Variants in MNAT1 observed in about 807,000 individuals in gnomAD.
The protein encoded by MNAT1 is CDK-activating kinase assembly factor MAT1.
MNAT1 carries 43 observed loss-of-function variants against 42.0 expected under a neutral mutation model. The observed-to-expected ratio is 1.02, with a 90% CI of 0.80 to 1.32. The LOEUF (loss-of-function observed/expected upper bound fraction) is 1.32. Among genes scored for constraint, MNAT1 ranks in the 40% most tolerant of loss-of-function variants. MNAT1 has a pLI of 0.00. For missense variants in MNAT1, 306 were observed against 350.4 expected (o/e 0.87, Z 1.01); for synonymous variants, 118 against 120.0 (o/e 0.98, Z 0.11).
chr14:60,968,650 T>C lies in MNAT1; in HGVS notation c.*301T>C, dbSNP rs1247690384. The stretch of plus-strand genomic sequence containing the variant: ...AGGTTGTGACAGACTTATAAAATCT[T>C]TTTAAAAAATAAAGCTATAATTTAT... On this transcript the variant is annotated 3_prime_UTR_variant, in exon 8 of 8. Coordinates refer to ENST00000261245, the MANE Select transcript of MNAT1 (RefSeq NM_002431.4). The C allele has an allele frequency of 1.6e-6, 1 of 624,464 alleles. No homozygotes were observed. 38.7% of individuals were successfully genotyped at this position (624,464 alleles called of 1,614,324 possible). A position where few individuals can be genotyped will look rare whatever the true frequency, so the allele number is the denominator to read the frequency against.
At chr14:60,907,782 CAA>C (rs71114166) in intron 7 of MNAT1, among the ~76,000 whole-genome samples, 1,299 of 77,506 alleles carry the variant, frequency 0.017, 13 homozygotes, top group African/African-American at 0.062. Flanking sequence ...AACTGTGTCT[CAA>C]AAAAAAAAAA....
Position 60,927,578 on chromosome 14 carries a change from T to G in MNAT1, c.810-40651T>G, listed in dbSNP as rs567506461. On this transcript the variant is annotated intron_variant, in intron 7 of 7. Coordinates refer to ENST00000261245, the MANE Select transcript of MNAT1 (RefSeq NM_002431.4). The stretch of plus-strand genomic sequence containing the variant: ...GTTTAATACTCTGTGGTTGTCATCT[T>G]GAATTCTTAATAATTTTATGTTTAG... Among the ~76,000 whole-genome samples, 3 of 152,338 alleles carry G rather than the reference T, an allele frequency of 2.0e-5. No homozygotes were observed. In the East Asian group the frequency reaches 5.8e-4, roughly 29 times the overall value.
At chr14:60,872,084 A>G (rs2034337156) in intron 6 of MNAT1, among the ~76,000 whole-genome samples, 1 of 152,144 alleles carries the variant, frequency 6.6e-6, no homozygotes, top group Admixed American at 6.5e-5. Context: ...TGGATAATTC[A>G]TTAAGGAAAG....
chr14:60,958,634 CTT>C (rs71114172), intron 7 of MNAT1, among the ~76,000 whole-genome samples: 2 of 93,880 alleles, frequency 2.1e-5, no homozygotes, highest in African/African-American at 4.3e-5. Context: ...GAGACAAGGT[CTT>C]TTTTTTTTTT....
chr14:60,756,822 T>A (rs569299376), intron 1 of MNAT1, among the ~76,000 whole-genome samples: 5 of 152,300 alleles, frequency 3.3e-5, no homozygotes, highest in African/African-American at 1.2e-4. Context: ...CTTTTTAAAA[T>A]GTATAAATGC....
intron 1 of MNAT1, among the ~76,000 whole-genome samples, chr14:60,769,931 C>T (rs527705290): frequency 2.0e-5 from 3 of 152,212 alleles, no homozygotes; most frequent in Admixed American, 1.3e-4. Context: ...TCCCAAAGCA[C>T]TGGGGTTATA....
chr14:60,843,493 A>G (rs1036632650), intron 6 of MNAT1, among the ~76,000 whole-genome samples: 1 of 151,532 alleles, frequency 6.6e-6, no homozygotes, highest in Admixed American at 6.6e-5. Context: ...GCTGGTCTCA[A>G]TCTCCTGACC....
At chr14:60,915,812 C>G (rs1400458054) in intron 7 of MNAT1, among the ~76,000 whole-genome samples, 1 of 152,198 alleles carries the variant, frequency 6.6e-6, no homozygotes, top group Non-Finnish European at 1.5e-5. Context: ...AAGTGAAATT[C>G]AGTCAACTTT....
intron 1 of MNAT1, among the ~76,000 whole-genome samples, chr14:60,792,082 AC>A (rs1210307341): frequency 6.6e-6 from 1 of 152,180 alleles, no homozygotes; most frequent in African/African-American, 2.4e-5. Flanking sequence ...TTGTAAGCAA[AC>A]TATTGGAACA....
intron 6 of MNAT1, among the ~76,000 whole-genome samples, chr14:60,867,821 A>G (rs530262307): frequency 3.4e-4 from 52 of 151,952 alleles, no homozygotes; most frequent in African/African-American, 1.2e-3. Context: ...GTGCCAGGAG[A>G]AGTACATAGT....
At chr14:60,894,394 TG>T (rs1417228269) in intron 7 of MNAT1, among the ~76,000 whole-genome samples, 1 of 152,066 alleles carries the variant, frequency 6.6e-6, no homozygotes, top group Non-Finnish European at 1.5e-5. Flanking sequence ...TCTTCTATGG[TG>T]GTGGTACTTC....
At chr14:60,889,808 C>T (rs2034789807) in intron 7 of MNAT1, among the ~76,000 whole-genome samples, 1 of 152,206 alleles carries the variant, frequency 6.6e-6, no homozygotes, top group African/African-American at 2.4e-5. Flanking sequence ...ACAGACACTT[C>T]TCAAAAGAAG....
At chr14:60,793,888 A>G (rs1379060527) in intron 1 of MNAT1, among the ~76,000 whole-genome samples, 1 of 152,160 alleles carries the variant, frequency 6.6e-6, no homozygotes, top group Non-Finnish European at 1.5e-5. Flanking sequence ...AAAATTAGAA[A>G]TGGAAAATGT....
At chr14:60,839,766 C>A (rs1254513069) in intron 6 of MNAT1, among the ~76,000 whole-genome samples, 9 of 152,238 alleles carry the variant, frequency 5.9e-5, no homozygotes, top group Non-Finnish European at 1.3e-4. Flanking sequence ...TGCGGTGCAT[C>A]TGATCCAGCC....
intron 6 of MNAT1, among the ~76,000 whole-genome samples, chr14:60,878,067 A>C (rs2034471610): frequency 6.6e-6 from 1 of 152,128 alleles, no homozygotes; most frequent in Non-Finnish European, 1.5e-5. Context: ...TTTCAAAAAA[A>C]ACAAAAACAA....
chr14:60,951,321 A>T (rs8016715), intron 7 of MNAT1, among the ~76,000 whole-genome samples: 54 of 143,638 alleles, frequency 3.8e-4, no homozygotes, highest in African/African-American at 4.2e-4. Context: ...TATTGTTATT[A>T]TTGTTTTTGG....
chr14:60,766,708 CA>C (rs1002181574), intron 1 of MNAT1, among the ~76,000 whole-genome samples: 1 of 151,274 alleles, frequency 6.6e-6, no homozygotes, highest in Admixed American at 6.6e-5. Flanking sequence ...GACTCCGTCT[CA>C]AAAAAAACAA....
At chr14:60,745,018 A>G (rs1358251236) in intron 1 of MNAT1, among the ~76,000 whole-genome samples, 1 of 152,128 alleles carries the variant, frequency 6.6e-6, no homozygotes, top group Admixed American at 6.5e-5. Flanking sequence ...TTATGGGGGA[A>G]TCCTACATGT....
Position 60,961,079 on chromosome 14 carries a change from C to T in MNAT1, c.810-7150C>T, listed in dbSNP as rs537976190. On this transcript the variant is annotated intron_variant, in intron 7 of 7. Coordinates refer to ENST00000261245, the MANE Select transcript of MNAT1 (RefSeq NM_002431.4). The stretch of plus-strand genomic sequence containing the variant: ...CCGGGTTCAAGTGATTCTCCTGCCT[C>T]AGCCTCCCGAGTAGCTGAGATTACA... 1.5e-4 allele frequency among the ~76,000 whole-genome samples: 23 copies of T among 152,280 alleles called. No homozygotes were observed. The South Asian group carries it at 4.8e-3, about 32-fold the overall frequency.
Sources: gnomAD v4.1 joint callset for allele counts (sites outside exome capture counted in the v4.1 genomes callset) on GRCh38, gnomAD v4.1.1 for gene constraint, MANE v1.5 for transcripts, NCBI Gene and HGNC (gene_info 2026-07-23, HGNC 2026-07-21) for gene names.